Variants in CDH10 observed in about 807,000 individuals in gnomAD.
CDH10 encodes the protein cadherin 10.
CDH10 carries 30 observed loss-of-function variants against 73.1 expected under a neutral mutation model. That is an observed-to-expected ratio of 0.41 (90% confidence interval 0.31 to 0.56). CDH10 has a LOEUF of 0.56. Ranked by LOEUF, CDH10 falls within the 20% of genes least tolerant of loss-of-function variation. The probability of loss-of-function intolerance (pLI) is 0.27; values close to 1 mark genes in which losing one functional copy is unlikely to be tolerated. For synonymous variants in CDH10, 345 were observed against 348.2 expected (o/e 0.99, Z 0.10); for missense variants, 815 against 973.7 (o/e 0.84, Z 2.17).
rs1476582251 is a variant in CDH10, at chr5:24,487,885, A to G, written c.2145T>C (p.Asn715=). 3 of 1,613,952 alleles carry G rather than the reference A, an allele frequency of 1.9e-6. No homozygotes were observed. The highest frequency in any genetic ancestry group is 1.6e-4 in the Middle Eastern group (1 of 6,062). The change falls in exon 12 of 12, where the codon AAT becomes AAC. Residue 715 remains asparagine, a synonymous_variant. Transcript: ENST00000264463. ...CAAGATCATGCTCTTTTAGCCTTTC[A>G]TTAATGAAATCCCGGACGTCCGTGT... ...PDNTDVRDFI[N]ERLKEHDLDP...
chr5:24,608,616 G>A (rs1194683586), intron 1 of CDH10, among the ~76,000 whole-genome samples: 1 of 152,020 alleles, frequency 6.6e-6, no homozygotes, highest in Non-Finnish European at 1.5e-5. Flanking sequence ...TTAACAAAAG[G>A]TTTCAAAATA....
At chr5:24,598,513 C>T (rs533033661) in intron 1 of CDH10, among the ~76,000 whole-genome samples, 41 of 145,206 alleles carry the variant, frequency 2.8e-4, no homozygotes, top group Non-Finnish European at 3.6e-4. Context: ...CATTTCAATA[C>T]GAAAGAAACT....
At chr5:24,635,624 C>T (rs964145423) in intron 1 of CDH10, among the ~76,000 whole-genome samples, 3 of 151,644 alleles carry the variant, frequency 2.0e-5, no homozygotes, top group African/African-American at 4.8e-5. Context: ...TTACAAAATT[C>T]GTATCCATCA....
chr5:24,493,841 A>T (rs1742158988), intron 9 of CDH10, among the ~76,000 whole-genome samples: 1 of 151,952 alleles, frequency 6.6e-6, no homozygotes, highest in African/African-American at 2.4e-5. Flanking sequence ...TGTTGTGTGG[A>T]TGCTGGATGA....
At chr5:24,599,474 T>G (rs1202901204) in intron 1 of CDH10, among the ~76,000 whole-genome samples, 1 of 152,184 alleles carries the variant, frequency 6.6e-6, no homozygotes, top group Non-Finnish European at 1.5e-5. Context: ...TCTTCTAAGT[T>G]ACTTCTAAGA....
chr5:24,643,474 A>C (rs1748122850), intron 1 of CDH10, among the ~76,000 whole-genome samples: 1 of 152,102 alleles, frequency 6.6e-6, no homozygotes, highest in Admixed American at 6.6e-5. Flanking sequence ...ATATGCATTG[A>C]AGTATAACAG....
intron 5 of CDH10, among the ~76,000 whole-genome samples, chr5:24,525,553 A>T (rs1182500682): frequency 6.6e-6 from 1 of 152,076 alleles, no homozygotes; most frequent in African/African-American, 2.4e-5. Flanking sequence ...TAAAAACAAG[A>T]TAAAGCTCCT....
chr5:24,552,350 A>T (rs1394161211), intron 2 of CDH10, among the ~76,000 whole-genome samples: 1 of 152,048 alleles, frequency 6.6e-6, no homozygotes, highest in Non-Finnish European at 1.5e-5. Context: ...AAGAAAGGTC[A>T]TTATACATGC....
chr5:24,546,330 A>C (rs1435093353), intron 2 of CDH10, among the ~76,000 whole-genome samples: 1 of 152,150 alleles, frequency 6.6e-6, no homozygotes, highest in Non-Finnish European at 1.5e-5. Flanking sequence ...TGTTTTCCCC[A>C]ATAAAAAAGA....
At chr5:24,523,827 A>G (rs1743427222) in intron 5 of CDH10, among the ~76,000 whole-genome samples, 1 of 152,124 alleles carries the variant, frequency 6.6e-6, no homozygotes. Context: ...CAAGACTTAA[A>G]CGGGAAAGTG....
intron 2 of CDH10, among the ~76,000 whole-genome samples, chr5:24,586,637 A>C (rs1258429235): frequency 6.6e-6 from 1 of 150,392 alleles, no homozygotes; most frequent in Non-Finnish European, 1.5e-5. Context: ...TAGAAACAAG[A>C]TTTCGCCATG....
At chr5:24,501,175 G>C (rs1456394250) in intron 8 of CDH10, among the ~76,000 whole-genome samples, 1 of 152,060 alleles carries the variant, frequency 6.6e-6, no homozygotes, top group Admixed American at 6.6e-5. Flanking sequence ...AATATCCCTT[G>C]TTGGTAACAA....
At chr5:24,595,515 T>G (rs1746342632) in intron 1 of CDH10, among the ~76,000 whole-genome samples, 1 of 151,970 alleles carries the variant, frequency 6.6e-6, no homozygotes, top group Admixed American at 6.6e-5. Flanking sequence ...AATTATCTGA[T>G]GCATAAAATG....
At chr5:24,519,041 C>A (rs1229035794) in intron 5 of CDH10, among the ~76,000 whole-genome samples, 1 of 151,698 alleles carries the variant, frequency 6.6e-6, no homozygotes, top group Admixed American at 6.6e-5. Context: ...CAGTTGTGCA[C>A]CACCATGCCT....
intron 2 of CDH10, among the ~76,000 whole-genome samples, chr5:24,569,448 TAATA>T (rs1745289314): frequency 6.7e-6 from 1 of 149,006 alleles, no homozygotes. Flanking sequence ...CATATTGATT[TAATA>T]AACTTGATTT....
chr5:24,494,167 A>G (rs1446516829), intron 9 of CDH10, among the ~76,000 whole-genome samples: 1 of 151,964 alleles, frequency 6.6e-6, no homozygotes, highest in African/African-American at 2.4e-5. Context: ...TTAAAAACAT[A>G]GCAACATAAT....
At chr5:24,557,989 A>G (rs183013048) in intron 2 of CDH10, among the ~76,000 whole-genome samples, 1 of 151,838 alleles carries the variant, frequency 6.6e-6, no homozygotes, top group African/African-American at 2.4e-5. Context: ...ATTTTTAGAA[A>G]CAAGAGGCAA....
intron 2 of CDH10, among the ~76,000 whole-genome samples, chr5:24,545,694 C>T (rs1744313995): frequency 6.6e-6 from 1 of 151,680 alleles, no homozygotes; most frequent in Non-Finnish European, 1.5e-5. Context: ...GCCTGTAGTC[C>T]CAACTACTTG....
intron 1 of CDH10, among the ~76,000 whole-genome samples, chr5:24,610,488 A>T (rs777851712): frequency 4.1e-4 from 62 of 152,288 alleles, no homozygotes; most frequent in Non-Finnish European, 4.9e-4. Context: ...CATATTATAA[A>T]TATGAATGTT....
Sources: allele counts gnomAD v4.1 joint callset (sites outside exome capture counted in the v4.1 genomes callset), GRCh38; gene constraint gnomAD v4.1.1; transcripts MANE v1.5; gene names NCBI Gene and HGNC (gene_info 2026-07-23, HGNC 2026-07-21).